The following KIF16B variants were observed in gnomAD, a reference collection of about 807,000 sequenced individuals.
KIF16B encodes kinesin family member 16B.
A neutral mutation model predicts 156.3 loss-of-function variants in KIF16B; 98 were observed. The ratio of observed to expected loss-of-function variants is 0.63; its 90% CI spans 0.53 to 0.74. The LOEUF (loss-of-function observed/expected upper bound fraction) is 0.74, where lower values mean the gene tolerates loss of function less well. Ranked by LOEUF, KIF16B falls within the 30% of genes least tolerant of loss-of-function variation. KIF16B has a pLI of 0.00. For synonymous variants in KIF16B, 564 were observed against 583.7 expected (o/e 0.97, Z 0.49); for missense variants, 1,421 against 1,606.5 (o/e 0.88, Z 1.97).
At chr20:16,549,579 T>C (rs1268690086) in intron 1 of KIF16B, among the ~76,000 whole-genome samples, 1 of 152,118 alleles carries the variant, frequency 6.6e-6, no homozygotes, top group Non-Finnish European at 1.5e-5. Flanking sequence ...CTGGGTCAAA[T>C]GGTATGACTT....
At chr20:16,354,125 T>C (rs1296873908) in intron 23 of KIF16B, among the ~76,000 whole-genome samples, 2 of 152,334 alleles carry the variant, frequency 1.3e-5, no homozygotes, top group South Asian at 2.1e-4. Context: ...CTTCACAATT[T>C]TGGCCAAATC....
chr20:16,336,118 G>T, intron 23 of KIF16B, 103 bp from the exon 24 acceptor site: 1 of 684,106 alleles, frequency 1.5e-6, no homozygotes, highest in Non-Finnish European at 2.5e-6. Context: ...TGATTAGCAT[G>T]TAAAATTTCT....
At chr20:16,331,486 T>A (rs2063947475) in intron 24 of KIF16B, among the ~76,000 whole-genome samples, 1 of 152,236 alleles carries the variant, frequency 6.6e-6, no homozygotes, top group Non-Finnish European at 1.5e-5. Context: ...TATTTTGAAT[T>A]CCAGTGTGCT....
At chr20:16,394,702 A>T (rs935658668) in intron 17 of KIF16B, among the ~76,000 whole-genome samples, 1 of 152,216 alleles carries the variant, frequency 6.6e-6, no homozygotes, top group Non-Finnish European at 1.5e-5. Flanking sequence ...CTCCATGTAT[A>T]AAAAGTCCAT....
chr20:16,274,080 A>C (rs1231665751), intron 25 of KIF16B, among the ~76,000 whole-genome samples: 1 of 151,960 alleles, frequency 6.6e-6, no homozygotes, highest in Non-Finnish European at 1.5e-5. Context: ...ATGATTAAAA[A>C]AAAAAAACAA....
chr20:16,501,389 A>G (rs1568610131), intron 10 of KIF16B, among the ~76,000 whole-genome samples: 1 of 151,886 alleles, frequency 6.6e-6, no homozygotes, highest in Non-Finnish European at 1.5e-5. Context: ...CGGCACTTCT[A>G]TACACTGATG....
intron 1 of KIF16B, among the ~76,000 whole-genome samples, chr20:16,565,886 C>T (rs964754141): frequency 6.6e-6 from 1 of 152,254 alleles, no homozygotes; most frequent in Non-Finnish European, 1.5e-5. Context: ...TGACTCCCCA[C>T]TTCTCTATGT....
chr20:16,506,154 T>G lies in KIF16B; in HGVS notation c.736A>C (p.Ser246Arg). The G allele has an allele frequency of 6.2e-7, 1 of 1,614,192 alleles. No homozygotes were observed. Among genetic ancestry groups the G allele is most frequent in the South Asian group, 1.1e-5 (1 of 91,080 alleles). ...FDSEMPCETV[S>R]KIHLVDLAGS... ...GCAAGATCAACCAAGTGGATCTTAC[T>G]GACGGTTTCACATGGCATTTCAGAA... Residue 246 changes from serine to arginine, a missense_variant, in exon 8 of 26, where the codon AGT (serine) becomes CGT (arginine). Ser to Arg is a moderately radical substitution (Grantham distance 110). Coordinates refer to ENST00000354981, the MANE Select transcript of KIF16B (RefSeq NM_024704.5).
At chr20:16,471,196 T>C (rs1002465764) in intron 12 of KIF16B, among the ~76,000 whole-genome samples, 3 of 152,130 alleles carry the variant, frequency 2.0e-5, no homozygotes, top group African/African-American at 7.2e-5. Flanking sequence ...TTTAAAAAAT[T>C]GACCCAACAA....
In KIF16B at chr20:16,477,185, TG is replaced by T. The variant is rs369522587; in HGVS notation, c.1302+17105del. On this transcript the variant is annotated intron_variant, in intron 12 of 25. Coordinates refer to ENST00000354981, the MANE Select transcript of KIF16B (RefSeq NM_024704.5). ...ATTTCTCTTGCCTTCAATTTCCTTG[TG>T]GGTTTTTTTTTTTTCTCTCCTTAAA... Among the ~76,000 whole-genome samples, 81 of 118,668 alleles carry T rather than the reference TG, an allele frequency of 6.8e-4. 1 individual carries two copies. Among genetic ancestry groups the T allele is most frequent in the South Asian group, 1.4e-3 (5 of 3,470 alleles). 77.9% of individuals were successfully genotyped at this position (118,668 alleles called of 152,430 possible).
chr20:16,566,005 C>T (rs1395296943), intron 1 of KIF16B, among the ~76,000 whole-genome samples: 2 of 152,244 alleles, frequency 1.3e-5, no homozygotes, highest in Admixed American at 6.5e-5. Flanking sequence ...GGTGCAAACG[C>T]ACCAAAAGTT....
rs749168387 is a variant in KIF16B, at chr20:16,273,399, C to G, written c.3808G>C (p.Asp1270His). Residue 1270 changes from aspartate (D) to histidine (H), a missense_variant, in exon 26 of 26, where the codon GAC becomes CAC. Transcript: ENST00000354981. ...GACTGGAGCATCACGCTGAAAAAGT[C>G]CCTGAGGTATTTCTGTGGAAGAGAC... Reference protein sequence around the residue: ...RRSHLEKYLRDFFSVMLQSAT... With the variant: ...RRSHLEKYLRHFFSVMLQSAT... 6.2e-6 allele frequency: 10 copies of G among 1,613,988 alleles called. No homozygotes were observed. Among genetic ancestry groups the G allele is most frequent in the Non-Finnish European group, 8.5e-6 (10 of 1,179,974 alleles).
intron 15 of KIF16B, among the ~76,000 whole-genome samples, chr20:16,422,729 A>G (rs1170678760): frequency 6.6e-6 from 1 of 152,164 alleles, no homozygotes; most frequent in African/African-American, 2.4e-5. Context: ...AAAAACTTTC[A>G]AAGTTTTACT....
chr20:16,287,114 A>G (rs766040757), intron 25 of KIF16B, among the ~76,000 whole-genome samples: 11 of 152,264 alleles, frequency 7.2e-5, no homozygotes, highest in Non-Finnish European at 1.3e-4. Context: ...AGTTCATTAT[A>G]CAATGATAGA....
intron 1 of KIF16B, among the ~76,000 whole-genome samples, chr20:16,539,520 T>C (rs1332793168): frequency 6.6e-6 from 1 of 152,156 alleles, no homozygotes; most frequent in Non-Finnish European, 1.5e-5. Context: ...TAACTTCTCG[T>C]GAGATCTGGC....
chr20:16,465,737 G>A (rs2067472283), intron 12 of KIF16B, among the ~76,000 whole-genome samples: 1 of 151,758 alleles, frequency 6.6e-6, no homozygotes, highest in Non-Finnish European at 1.5e-5. Context: ...AGCCAAGGCT[G>A]AAGAAAGTAG....
chr20:16,450,769 G>C (rs1426818835), intron 12 of KIF16B, among the ~76,000 whole-genome samples: 1 of 152,220 alleles, frequency 6.6e-6, no homozygotes, highest in African/African-American at 2.4e-5. Flanking sequence ...TAAGCAAGAA[G>C]AGATGCTCAA....
chr20:16,349,356 ACT>A (rs1484642198), intron 23 of KIF16B, among the ~76,000 whole-genome samples: 1 of 151,970 alleles, frequency 6.6e-6, no homozygotes, highest in Non-Finnish European at 1.5e-5. Flanking sequence ...GTGCAGTTGG[ACT>A]CTGAGCATCC....
chr20:16,421,965 C>T (rs938302660), intron 15 of KIF16B, among the ~76,000 whole-genome samples: 2 of 152,034 alleles, frequency 1.3e-5, no homozygotes, highest in Non-Finnish European at 2.9e-5. Flanking sequence ...AGTACCAGTA[C>T]TGTCCGAGGA....
Sources: gnomAD v4.1 joint callset for allele counts (sites outside exome capture counted in the v4.1 genomes callset) on GRCh38, gnomAD v4.1.1 for gene constraint, MANE v1.5 for transcripts, NCBI Gene and HGNC (gene_info 2026-07-23, HGNC 2026-07-21) for gene names.